The following DSE variants were observed in gnomAD, a reference collection of about 807,000 sequenced individuals.
DSE encodes the protein dermatan-sulfate epimerase.
DSE carries 36 observed loss-of-function variants against 84.4 expected under a neutral mutation model. The ratio of observed to expected loss-of-function variants is 0.43; its 90% CI spans 0.33 to 0.56. DSE has a LOEUF of 0.56. Among genes scored for constraint, DSE ranks in the 20% least tolerant of loss-of-function variants. The pLI, the probability that DSE is intolerant of heterozygous loss-of-function variation, is 0.06. For synonymous variants in DSE, 410 were observed against 430.1 expected (o/e 0.95, Z 0.58); for missense variants, 862 against 1,169.6 (o/e 0.74, Z 3.84).
chr6:116,325,612 T>C (rs1328003117), intron 2 of DSE, among the ~76,000 whole-genome samples: 1 of 152,210 alleles, frequency 6.6e-6, no homozygotes, highest in African/African-American at 2.4e-5. Flanking sequence ...CAACGTCTGT[T>C]TGCCATACTA....
chr6:116,292,053 G>C (rs1465788734), intron 2 of DSE, among the ~76,000 whole-genome samples: 2 of 152,160 alleles, frequency 1.3e-5, no homozygotes, highest in African/African-American at 4.8e-5. Flanking sequence ...ATAGATTTGG[G>C]TATTTGTAGA....
intron 2 of DSE, among the ~76,000 whole-genome samples, chr6:116,318,467 G>A (rs763532948): frequency 5.9e-5 from 9 of 151,790 alleles, no homozygotes; most frequent in African/African-American, 9.7e-5. Flanking sequence ...GCACCACTGC[G>A]CTCCAGGCTG....
intron 2 of DSE, among the ~76,000 whole-genome samples, chr6:116,315,439 A>G (rs972375224): frequency 6.6e-6 from 1 of 151,794 alleles, no homozygotes; most frequent in Non-Finnish European, 1.5e-5. Flanking sequence ...CATTTGTTTC[A>G]TTTACTAGGG....
At chr6:116,399,922 G>T in intron 2 of DSE, 2 of 461,648 alleles carry the variant, frequency 4.3e-6, no homozygotes, top group Non-Finnish European at 7.7e-6. Context: ...GCTGAATTGA[G>T]TAAAGAGTAT....
At position 116,442,176 on chromosome 6, in the gene DSE, G is replaced by C. The variant is rs1289640659; in HGVS notation, c.*4831G>C. 1 of 152,398 alleles carries C rather than the reference G, an allele frequency of 6.6e-6. No individual in the cohort carries two copies. The highest frequency in any genetic ancestry group is 1.5e-5 in the Non-Finnish European group (1 of 68,196). 9.4% of individuals were successfully genotyped at this position (152,398 alleles called of 1,614,324 possible). A position where few individuals can be genotyped will look rare whatever the true frequency, so the allele number is the denominator to read the frequency against. On this transcript the variant is annotated 3_prime_UTR_variant, in exon 6 of 6. Coordinates refer to ENST00000644252, the MANE Select transcript of DSE (RefSeq NM_013352.4). ...TTCGAAGGCCCTGAGCTCAGTATGT[G>C]TTTGGTGTATTTAGGACTAGGAGGC... is the stretch of plus-strand genomic sequence containing the variant.
rs1272398101 is a variant in DSE, at chr6:116,436,711, A to G, written c.2243A>G (p.His748Arg). ...GCTATTGTGGAACAGAACTTGCAGCATTTTAAACCAGTGTTTCAGCTGCTG... is the reference window on the plus strand; with the variant it reads ...GCTATTGTGGAACAGAACTTGCAGCGTTTTAAACCAGTGTTTCAGCTGCTG... Reference protein sequence around the residue: ...YAAIVEQNLQHFKPVFQLLEK... With the variant: ...YAAIVEQNLQRFKPVFQLLEK... The change falls in exon 6 of 6, where the codon CAT becomes CGT. Residue 748 changes from histidine to arginine, a missense_variant. By Grantham distance (29) the His-to-Arg change is conservative. Coordinates refer to ENST00000644252, the MANE Select transcript of DSE (RefSeq NM_013352.4). 1.9e-6 allele frequency: 3 copies of G among 1,614,050 alleles called. No individual in the cohort carries two copies. The highest frequency in any genetic ancestry group is 2.5e-6 in the Non-Finnish European group (3 of 1,180,030).
intron 2 of DSE, among the ~76,000 whole-genome samples, chr6:116,259,690 C>T (rs1772321029): frequency 6.6e-6 from 1 of 152,016 alleles, no homozygotes; most frequent in South Asian, 2.1e-4. Context: ...GTGTGTTGTT[C>T]GTCCATGTGT....
chr6:116,396,265 C>T (rs563698561), intron 1 of DSE, among the ~76,000 whole-genome samples: 2 of 152,076 alleles, frequency 1.3e-5, no homozygotes, highest in African/African-American at 2.4e-5. Context: ...TGTAAACAAC[C>T]GAAACAGTCC....
chr6:116,432,498 A>T (rs989986687), intron 4 of DSE: 2 of 152,248 alleles, frequency 1.3e-5, no homozygotes, highest in Admixed American at 6.5e-5. Context: ...TACTTACAAG[A>T]TCATTTACTA....
chr6:116,422,038 T>A (rs1783127722), intron 2 of DSE, among the ~76,000 whole-genome samples: 1 of 152,238 alleles, frequency 6.6e-6, no homozygotes, highest in South Asian at 2.1e-4. Flanking sequence ...TGAAGCCATG[T>A]TAATGAACTC....
intron 2 of DSE, among the ~76,000 whole-genome samples, chr6:116,318,251 A>G (rs1372302392): frequency 6.6e-6 from 1 of 152,222 alleles, no homozygotes; most frequent in Non-Finnish European, 1.5e-5. Flanking sequence ...TCACCCCTGT[A>G]ATCCCAACAC....
chr6:116,336,710 A>C (rs1030777063), intron 2 of DSE, among the ~76,000 whole-genome samples: 1 of 151,264 alleles, frequency 6.6e-6, no homozygotes, highest in African/African-American at 2.4e-5. Flanking sequence ...AGCTGAGATC[A>C]TGCCATTGCA....
At position 116,270,086 on chromosome 6, in the gene DSE, C is replaced by T. The variant is rs982933458; in HGVS notation, c.-54+11119C>T. ...GTAAAAAATTTCTGGGAAAAGAAAACAATTCTGGAAAAACAAGGTACTGAA... is the reference window on the plus strand; with the variant it reads ...GTAAAAAATTTCTGGGAAAAGAAAATAATTCTGGAAAAACAAGGTACTGAA... On this transcript the variant is annotated intron_variant, in intron 2 of 3. Transcript: ENST00000430252. Among the ~76,000 whole-genome samples, 3 of 152,074 alleles carry T rather than the reference C, an allele frequency of 2.0e-5. No individual in the cohort carries two copies. In the East Asian group the frequency reaches 5.8e-4, roughly 29 times the overall value.
chr6:116,279,066 G>A lies in DSE; in HGVS notation c.-54+20099G>A, dbSNP rs370444859. 1.9e-6 allele frequency: 3 copies of A among 1,613,184 alleles called. No individual in the cohort carries two copies. The African/African-American group carries it at 4.0e-5, about 22-fold the overall frequency. ...AGTGTCGACGCATCCGCCCAAACTT[G>A]TGCTCCAGCTGTTGGAAGGCCCTGT... On this transcript the variant is annotated intron_variant, in intron 2 of 3. Coordinates refer to the DSE transcript ENST00000430252.
At chr6:116,423,759 G>C (rs1178499380) in intron 2 of DSE, among the ~76,000 whole-genome samples, 1 of 152,056 alleles carries the variant, frequency 6.6e-6, no homozygotes, top group Non-Finnish European at 1.5e-5. Flanking sequence ...ATTTCACTTT[G>C]TATCTAAGGC....
intron 1 of DSE, among the ~76,000 whole-genome samples, chr6:116,392,500 G>C (rs551095350): frequency 6.6e-6 from 1 of 152,316 alleles, no homozygotes; most frequent in South Asian, 2.1e-4. Flanking sequence ...AACTGGAGCA[G>C]CTGCTCTTAG....
intron 2 of DSE, among the ~76,000 whole-genome samples, chr6:116,329,823 A>G (rs1219043353): frequency 1.3e-5 from 2 of 152,012 alleles, no homozygotes; most frequent in African/African-American, 2.4e-5. Flanking sequence ...AGGTATAAAT[A>G]TTTTTCTTTT....
At chr6:116,317,068 G>A (rs779670433) in intron 2 of DSE, among the ~76,000 whole-genome samples, 4 of 152,168 alleles carry the variant, frequency 2.6e-5, no homozygotes, top group Admixed American at 2.0e-4. Context: ...GTCTGACCCT[G>A]AGGAAAAGAT....
chr6:116,317,951 T>G (rs951833478), intron 2 of DSE, among the ~76,000 whole-genome samples: 1 of 152,246 alleles, frequency 6.6e-6, no homozygotes, highest in Non-Finnish European at 1.5e-5. Context: ...GGTTCTTTAT[T>G]ATTTCCTTGG....
Sources: gnomAD v4.1 joint callset for allele counts (sites outside exome capture counted in the v4.1 genomes callset) on GRCh38, gnomAD v4.1.1 for gene constraint, MANE v1.5 for transcripts, NCBI Gene and HGNC (gene_info 2026-07-23, HGNC 2026-07-21) for gene names.